DOCK4: variants seen among roughly 807,000 people sequenced by gnomAD.
The protein encoded by DOCK4 is dedicator of cytokinesis 4.
A neutral mutation model predicts 268.1 loss-of-function variants in DOCK4; 97 were observed. The ratio of observed to expected loss-of-function variants is 0.36; its 90% CI spans 0.31 to 0.43. The LOEUF (loss-of-function observed/expected upper bound fraction) is 0.43, where lower values mean the gene tolerates loss of function less well. Among genes scored for constraint, DOCK4 ranks in the 20% least tolerant of loss-of-function variants. The pLI is 1.00. For missense variants in DOCK4, 2,145 were observed against 2,455.7 expected (o/e 0.87, Z 2.67); for synonymous variants, 954 against 887.2 (o/e 1.08, Z -1.34).
intron 9 of DOCK4, 52 bp downstream of exon 9, chr7:111,945,665 A>T: frequency 1.4e-6 from 2 of 1,420,744 alleles, no homozygotes; most frequent in Non-Finnish European, 1.9e-6. Flanking sequence ...CCTAAATAGT[A>T]TGAATCATAA....
chr7:111,859,958 T>C (rs747798702), intron 23 of DOCK4, among the ~76,000 whole-genome samples: 11 of 152,224 alleles, frequency 7.2e-5, no homozygotes, highest in African/African-American at 1.4e-4. Flanking sequence ...TCTTTTATTA[T>C]AGATCTTTAG....
intron 1 of DOCK4, among the ~76,000 whole-genome samples, chr7:112,009,557 G>A (rs937415643): frequency 1.3e-5 from 2 of 151,554 alleles, no homozygotes; most frequent in African/African-American, 4.9e-5. Context: ...AGCAGGCATC[G>A]GTGTTGTAGA....
chr7:111,750,980 A>T (rs947373312), intron 42 of DOCK4, among the ~76,000 whole-genome samples: 1 of 152,066 alleles, frequency 6.6e-6, no homozygotes. Context: ...ATATTTAGTG[A>T]GAGGACATTT....
chr7:112,048,613 T>C (rs1408184342), intron 1 of DOCK4, among the ~76,000 whole-genome samples: 1 of 150,284 alleles, frequency 6.7e-6, no homozygotes, highest in African/African-American at 2.4e-5. Flanking sequence ...AAAATGCACA[T>C]TAAGTACAGA....
intron 42 of DOCK4, among the ~76,000 whole-genome samples, chr7:111,755,186 G>A (rs1796936120): frequency 6.6e-6 from 1 of 152,104 alleles, no homozygotes; most frequent in African/African-American, 2.4e-5. Context: ...TATTAGCACT[G>A]GTATGATACA....
chr7:111,728,960 C>T (rs948471136), intron 52 of DOCK4, among the ~76,000 whole-genome samples: 2 of 152,096 alleles, frequency 1.3e-5, no homozygotes, highest in African/African-American at 2.4e-5. Flanking sequence ...GTCAGGAATG[C>T]GACACACACA....
intron 42 of DOCK4, among the ~76,000 whole-genome samples, chr7:111,752,668 C>A (rs1796748418): frequency 7.0e-6 from 1 of 141,986 alleles, no homozygotes; most frequent in Admixed American, 7.5e-5. Flanking sequence ...CTCACTGCAA[C>A]CTCTGCCTCC....
chr7:112,197,663 G>A lies in DOCK4; in HGVS notation c.37+8439C>T, dbSNP rs150757428. 2.5e-3 allele frequency among the ~76,000 whole-genome samples: 388 copies of A among 152,214 alleles called. 1 individual carries two copies. Among genetic ancestry groups the A allele is most frequent in the African/African-American group, 8.6e-3 (359 of 41,516 alleles). On this transcript the variant is annotated intron_variant, in intron 1 of 52. Coordinates refer to ENST00000428084, the MANE Select transcript of DOCK4 (RefSeq NM_001363540.2). ...TGTACCCATATTAATAAAATGCCTC[G>A]AGATGACTGCTGTTTGAAATTTGGG...
At chr7:111,732,575 T>C in intron 51 of DOCK4, 1 of 426,620 alleles carries the variant, frequency 2.3e-6, no homozygotes, top group Non-Finnish European at 4.3e-6. Flanking sequence ...CCTTTCCGTT[T>C]CCCCAAAGTC....
intron 20 of DOCK4, among the ~76,000 whole-genome samples, chr7:111,871,273 G>A (rs1172105452): frequency 1.3e-5 from 2 of 152,140 alleles, no homozygotes; most frequent in Non-Finnish European, 2.9e-5. Context: ...CAGACGATGG[G>A]GTACACTCCA....
chr7:111,976,155 A>ATATATATATATAT (rs1378581490), intron 8 of DOCK4, among the ~76,000 whole-genome samples: 6 of 73,498 alleles, frequency 8.2e-5, no homozygotes, highest in East Asian at 9.6e-4. Flanking sequence ...AAAAAAAAAA[A>ATATATATATATAT]AAAAAAATAT....
At chr7:112,109,883 T>A (rs1811484278) in intron 1 of DOCK4, among the ~76,000 whole-genome samples, 1 of 150,806 alleles carries the variant, frequency 6.6e-6, no homozygotes, top group Non-Finnish European at 1.5e-5. Context: ...TAGCTGGGAC[T>A]ACAGGCGCCC....
rs966037149 is a variant in DOCK4, at chr7:111,788,419, T to G, written c.3401+243A>C. 6.3e-6 allele frequency: 3 copies of G among 476,616 alleles called. No homozygotes were observed. The South Asian group carries it at 1.1e-4, about 17-fold the overall frequency. 29.5% of individuals were successfully genotyped at this position (476,616 alleles called of 1,614,324 possible). A position where few individuals can be genotyped will look rare whatever the true frequency, so the allele number is the denominator to read the frequency against. Reference sequence around the variant, plus strand: ...GGCATGAAAAGAGGGAGATTTGTTATGTAACATATGCAACCTGTCCTAATC... The same window carrying G: ...GGCATGAAAAGAGGGAGATTTGTTAGGTAACATATGCAACCTGTCCTAATC... On this transcript the variant is annotated intron_variant, in intron 32 of 52. Transcript: ENST00000428084.
chr7:111,822,426 G>A lies in DOCK4; in HGVS notation c.2866C>T (p.Arg956Ter). Residue 956 changes from arginine (R) to a stop codon, truncating the protein, a stop_gained, in exon 27 of 53, where the codon CGA becomes TGA. Coordinates refer to ENST00000428084, the MANE Select transcript of DOCK4 (RefSeq NM_001363540.2). LOFTEE classifies it high-confidence loss of function. ...DFLLQIFTVF[R>*]ILIRPEMFPK... is the part of the protein sequence containing the mutation. ...AACATCTCCGGGCGTATCAATATTC[G>A]GAACACAGTAAATATCTGCAGCAGG... The A allele has an allele frequency of 1.2e-6, 2 of 1,613,344 alleles. No homozygotes were observed. Among genetic ancestry groups the A allele is most frequent in the Non-Finnish European group, 8.5e-7 (1 of 1,179,666 alleles).
intron 47 of DOCK4, 64 bp downstream of exon 47, chr7:111,741,030 A>T: frequency 6.3e-7 from 1 of 1,593,396 alleles, no homozygotes; most frequent in Non-Finnish European, 8.6e-7. Context: ...CAGAATGAAC[A>T]GAAACACTCA....
chr7:111,972,372 G>A (rs780268108), intron 8 of DOCK4, among the ~76,000 whole-genome samples: 1 of 151,924 alleles, frequency 6.6e-6, no homozygotes, highest in Non-Finnish European at 1.5e-5. Flanking sequence ...CTAGCCTCTC[G>A]GTGTCTTGGC....
At chr7:112,167,230 A>C (rs1340384978) in intron 1 of DOCK4, among the ~76,000 whole-genome samples, 1 of 152,184 alleles carries the variant, frequency 6.6e-6, no homozygotes, top group Non-Finnish European at 1.5e-5. Context: ...TCCTCCAAGG[A>C]ATTTTTTTAA....
In DOCK4 at chr7:111,876,048, T is replaced by C. The variant is rs535573460; in HGVS notation, c.1744+982A>G. Among the ~76,000 whole-genome samples, 4 of 152,314 alleles carry C rather than the reference T, an allele frequency of 2.6e-5. No individual in the cohort carries two copies. In the East Asian group the frequency reaches 5.8e-4, roughly 22 times the overall value. On this transcript the variant is annotated intron_variant, in intron 17 of 52. Coordinates refer to ENST00000428084, the MANE Select transcript of DOCK4 (RefSeq NM_001363540.2). The stretch of plus-strand genomic sequence containing the variant: ...GATTTTATTATCTTCATAACTTCTA[T>C]GGGGGTAAACTGGCCCCATAAAAAA...
intron 1 of DOCK4, among the ~76,000 whole-genome samples, chr7:112,198,314 G>A (rs1203651963): frequency 6.6e-6 from 1 of 152,150 alleles, no homozygotes; most frequent in Admixed American, 6.6e-5. Context: ...GCCCTCACCA[G>A]GAACTGACTC....
Sources: allele counts gnomAD v4.1 joint callset (sites outside exome capture counted in the v4.1 genomes callset), GRCh38; gene constraint gnomAD v4.1.1; transcripts MANE v1.5; gene names NCBI Gene and HGNC (gene_info 2026-07-23, HGNC 2026-07-21).